The following ADGRL3 variants were observed in gnomAD, a reference collection of about 807,000 sequenced individuals.
The protein encoded by ADGRL3 is calcium-independent alpha-latrotoxin receptor 3.
ADGRL3 carries 62 observed loss-of-function variants against 153.5 expected under a neutral mutation model. The observed-to-expected ratio is 0.40, with a 90% CI of 0.33 to 0.50. The LOEUF is 0.50. ADGRL3 is among the 20% of genes least tolerant of loss of function. ADGRL3 has a pLI of 0.47. For synonymous variants in ADGRL3, 710 were observed against 672.5 expected, an observed-to-expected ratio of 1.06 and a Z score of -0.86; for missense variants, 1,641 against 1,859.4, an observed-to-expected ratio of 0.88 and a Z score of 2.16.
intron 2 of ADGRL3, among the ~76,000 whole-genome samples, chr4:61,478,669 T>A (rs335329): frequency 0.78 from 118,851 of 151,884 alleles, 47,663 homozygotes; most frequent in East Asian, 0.95. Flanking sequence ...ATAAAGGGGA[T>A]CATTGTTATA....
At chr4:61,532,767 G>T (rs6551632) in intron 4 of ADGRL3, among the ~76,000 whole-genome samples, 45,399 of 149,634 alleles carry the variant, frequency 0.3, 7,062 homozygotes, top group South Asian at 0.4. Context: ...AAAAAAAAAG[G>T]TCTCAGCACA....
chr4:61,457,665 A>C (rs1192813580), intron 2 of ADGRL3, among the ~76,000 whole-genome samples: 1 of 151,882 alleles, frequency 6.6e-6, no homozygotes, highest in Non-Finnish European at 1.5e-5. Flanking sequence ...CTACAATGAG[A>C]CCTGAACCAG....
chr4:61,892,248 A>G (rs1307966653), intron 9 of ADGRL3, among the ~76,000 whole-genome samples: 1 of 151,208 alleles, frequency 6.6e-6, no homozygotes, highest in Non-Finnish European at 1.5e-5. Flanking sequence ...ACTTCATGTG[A>G]AAATAAAATT....
intron 9 of ADGRL3, among the ~76,000 whole-genome samples, chr4:61,816,803 C>A (rs537062856): frequency 6.6e-6 from 1 of 152,204 alleles, no homozygotes; most frequent in African/African-American, 2.4e-5. Flanking sequence ...GGAACAGGCA[C>A]CCCCTACCAA....
chr4:61,622,748 A>G (rs924700227), intron 5 of ADGRL3, among the ~76,000 whole-genome samples: 6 of 152,130 alleles, frequency 3.9e-5, no homozygotes, highest in African/African-American at 1.4e-4. Flanking sequence ...AATTGATCTC[A>G]GAGGATTTGA....
chr4:61,552,234 G>A (rs1476165605), intron 4 of ADGRL3, among the ~76,000 whole-genome samples: 1 of 152,066 alleles, frequency 6.6e-6, no homozygotes, highest in African/African-American at 2.4e-5. Context: ...ATCAGGCACT[G>A]TCTCAGCATT....
intron 19 of ADGRL3, among the ~76,000 whole-genome samples, chr4:61,991,969 T>C (rs1454406903): frequency 6.7e-6 from 1 of 149,298 alleles, no homozygotes; most frequent in Non-Finnish European, 1.5e-5. Context: ...TAAACATGAG[T>C]GTGGTCAGAA....
At chr4:61,379,071 G>T (rs2096637770) in intron 1 of ADGRL3, among the ~76,000 whole-genome samples, 1 of 152,010 alleles carries the variant, frequency 6.6e-6, no homozygotes, top group East Asian at 1.9e-4. Flanking sequence ...TGGAAATAGA[G>T]ATGAAAAAAC....
intron 2 of ADGRL3, among the ~76,000 whole-genome samples, chr4:61,430,349 A>G (rs1320901417): frequency 1.3e-5 from 2 of 152,150 alleles, no homozygotes; most frequent in African/African-American, 4.8e-5. Context: ...GATTCAAGTT[A>G]GTTCTTTTCT....
intron 5 of ADGRL3, among the ~76,000 whole-genome samples, chr4:61,666,457 C>T (rs1383324848): frequency 2.0e-5 from 3 of 149,840 alleles, no homozygotes; most frequent in South Asian, 2.1e-4. Context: ...CCCAGTCATG[C>T]GGAGAGGACA....
intron 13 of ADGRL3, among the ~76,000 whole-genome samples, chr4:61,925,587 G>C (rs1334961966): frequency 1.3e-5 from 2 of 152,110 alleles, no homozygotes; most frequent in Non-Finnish European, 2.9e-5. Context: ...ACTCATGGAA[G>C]AAGGCAAAGC....
rs116837661 is a variant in ADGRL3, at chr4:61,419,306, A to G, written c.-174+36117A>G. On this transcript the variant is annotated intron_variant, in intron 2 of 26. Transcript: ENST00000683033. ...TAAAGACCAAAATACTTCTAATATTAACATTGAAATAAATGTGAGCTCTAT... is the reference window on the plus strand; with the variant it reads ...TAAAGACCAAAATACTTCTAATATTGACATTGAAATAAATGTGAGCTCTAT... Among the ~76,000 whole-genome samples, 737 of 151,082 alleles carry G rather than the reference A, an allele frequency of 4.9e-3. 45 individuals carry two copies. The highest frequency in any genetic ancestry group is 0.017 in the African/African-American group (704 of 40,842).
chr4:61,471,057 C>G (rs2097946104), intron 2 of ADGRL3, among the ~76,000 whole-genome samples: 1 of 151,734 alleles, frequency 6.6e-6, no homozygotes. Context: ...TGAACAATGT[C>G]TTTTTAACAG....
chr4:61,301,439 G>A (rs1014754212), intron 1 of ADGRL3, among the ~76,000 whole-genome samples: 1 of 152,102 alleles, frequency 6.6e-6, no homozygotes, highest in Non-Finnish European at 1.5e-5. Flanking sequence ...TAACTGCCAG[G>A]AAGTTTTGCC....
At chr4:61,554,041 A>G (rs2098753063) in intron 4 of ADGRL3, among the ~76,000 whole-genome samples, 1 of 151,770 alleles carries the variant, frequency 6.6e-6, no homozygotes, top group Non-Finnish European at 1.5e-5. Flanking sequence ...GAACAAAAAA[A>G]GGTAATAAGA....
intron 6 of ADGRL3, among the ~76,000 whole-genome samples, chr4:61,683,104 C>T (rs1453330072): frequency 2.2e-5 from 3 of 134,454 alleles, no homozygotes; most frequent in Non-Finnish European, 4.7e-5. Context: ...GGTGACCCTT[C>T]AAGAGCTGTA....
intron 6 of ADGRL3, among the ~76,000 whole-genome samples, chr4:61,692,531 C>T (rs1037192957): frequency 6.6e-6 from 1 of 151,498 alleles, no homozygotes; most frequent in Non-Finnish European, 1.5e-5. Context: ...CAACTTCCAC[C>T]TCTCAGGTTC....
At chr4:62,067,624 T>A (rs1190901398) in intron 25 of ADGRL3, among the ~76,000 whole-genome samples, 1 of 151,998 alleles carries the variant, frequency 6.6e-6, no homozygotes, top group East Asian at 1.9e-4. Flanking sequence ...GAGAAATAAC[T>A]TTTGTGCAGG....
In ADGRL3 at chr4:61,420,789, C is replaced by CAAAAAAAAA. The variant is rs781119391; in HGVS notation, c.-174+37610_-174+37618dup. The CAAAAAAAAA allele has an allele frequency of 3.6e-5, 4 of 112,610 alleles. 1 individual carries two copies. Among genetic ancestry groups the CAAAAAAAAA allele is most frequent in the Non-Finnish European group, 5.1e-5 (3 of 58,386 alleles). The allele number at this position is 112,610 out of a possible 1,614,324, so 7.0% of individuals were successfully genotyped here. On this transcript the variant is annotated intron_variant, in intron 2 of 26. Coordinates refer to ENST00000683033, the MANE Select transcript of ADGRL3 (RefSeq NM_001387552.1). ...GAGTACCTAAGGTCATACCCAAGGT[C>CAAAAAAAAA]AAAAAAAAAAAAAAAAAAGTCTACT...
Sources: gnomAD v4.1 joint callset for allele counts (sites outside exome capture counted in the v4.1 genomes callset) on GRCh38, gnomAD v4.1.1 for gene constraint, MANE v1.5 for transcripts, NCBI Gene and HGNC (gene_info 2026-07-23, HGNC 2026-07-21) for gene names.